SUPT3H: variants seen among roughly 807,000 people sequenced by gnomAD.
SUPT3H encodes the protein SPT3 homolog, SAGA and STAGA complex component, also known as transcription initiation protein SPT3 homolog.
A neutral mutation model predicts 44.3 loss-of-function variants in SUPT3H; 44 were observed. The ratio of observed to expected loss-of-function variants is 0.99; its 90% CI spans 0.78 to 1.28. The LOEUF is 1.28. Among genes scored for constraint, SUPT3H ranks in the 50% most tolerant of loss-of-function variants. The pLI is 0.00. For synonymous variants in SUPT3H, 124 were observed against 125.6 expected, an observed-to-expected ratio of 0.99 and a Z score of 0.09; for missense variants, 380 against 387.1, an observed-to-expected ratio of 0.98 and a Z score of 0.15.
chr6:44,816,014 G>C (rs1260899830), intron 11 of SUPT3H, among the ~76,000 whole-genome samples: 1 of 152,020 alleles, frequency 6.6e-6, no homozygotes, highest in African/African-American at 2.4e-5. Flanking sequence ...TAAAGGAACT[G>C]AAATCATACA....
intron 10 of SUPT3H, among the ~76,000 whole-genome samples, chr6:44,909,614 T>G (rs1234252518): frequency 6.6e-6 from 1 of 152,200 alleles, no homozygotes; most frequent in Non-Finnish European, 1.5e-5. Flanking sequence ...GACTGTTCAC[T>G]TTTATTATCT....
intron 10 of SUPT3H, among the ~76,000 whole-genome samples, chr6:44,899,514 C>T (rs771201705): frequency 3.3e-5 from 5 of 151,934 alleles, no homozygotes; most frequent in Admixed American, 1.3e-4. Flanking sequence ...GGTGAAACCC[C>T]GTTTCTAATA....
downstream of SUPT3H, among the ~76,000 whole-genome samples, chr6:44,826,633 T>G (rs1767776855): frequency 6.6e-6 from 1 of 152,140 alleles, no homozygotes; most frequent in South Asian, 2.1e-4. Context: ...ACACAAGAGG[T>G]TATATGAACT....
At chr6:44,924,661 T>C (rs560246660) in intron 10 of SUPT3H, among the ~76,000 whole-genome samples, 14 of 152,240 alleles carry the variant, frequency 9.2e-5, no homozygotes, top group African/African-American at 3.4e-4. Context: ...TTAAAAGTAA[T>C]TAAATTAAAT....
In SUPT3H at chr6:45,043,352, ATGTACAGGTT is replaced by A. The variant is rs1342901054; in HGVS notation, c.187-22730_187-22721del. Among the ~76,000 whole-genome samples the A allele has an allele frequency of 2.6e-5, 4 of 152,314 alleles. No homozygotes were observed. The East Asian group carries it at 7.7e-4, about 29-fold the overall frequency. On this transcript the variant is annotated intron_variant, in intron 3 of 10. Transcript: ENST00000371459. ...ACCTTTATTTTAGTGTCAGGGATAT[ATGTACAGGTT>A]TGTTACATGGGTGAGTTGTGTGTCA...
intron 2 of SUPT3H, among the ~76,000 whole-genome samples, chr6:45,171,420 A>G (rs1810749626): frequency 6.6e-6 from 1 of 152,230 alleles, no homozygotes. Context: ...ATTTGCTAGA[A>G]ATAAAGGCAA....
At chr6:45,131,369 C>T (rs866912592) in intron 2 of SUPT3H, among the ~76,000 whole-genome samples, 3 of 152,164 alleles carry the variant, frequency 2.0e-5, no homozygotes, top group Non-Finnish European at 4.4e-5. Flanking sequence ...TCTCAATTTA[C>T]ACATCTTATC....
At chr6:45,135,906 C>T (rs751354190) in intron 2 of SUPT3H, among the ~76,000 whole-genome samples, 40 of 152,164 alleles carry the variant, frequency 2.6e-4, no homozygotes, top group Non-Finnish European at 4.3e-4. Context: ...GGTGATTCAT[C>T]CATATGGGGA....
intron 10 of SUPT3H, among the ~76,000 whole-genome samples, chr6:44,899,643 T>C (rs1350224789): frequency 1.3e-5 from 2 of 152,244 alleles, no homozygotes; most frequent in South Asian, 2.1e-4. Flanking sequence ...GCTGAGACCA[T>C]GCCACTGCGC....
intron 3 of SUPT3H, among the ~76,000 whole-genome samples, chr6:45,058,476 G>A (rs1156376849): frequency 6.6e-6 from 1 of 152,084 alleles, no homozygotes; most frequent in Non-Finnish European, 1.5e-5. Context: ...TTAAAATAAT[G>A]GATGCAAAGT....
intron 10 of SUPT3H, among the ~76,000 whole-genome samples, chr6:44,868,327 T>G (rs1447286430): frequency 1.3e-5 from 2 of 152,204 alleles, no homozygotes; most frequent in African/African-American, 4.8e-5. Flanking sequence ...CAGGAAAACG[T>G]AAAGTAAAAT....
intron 2 of SUPT3H, among the ~76,000 whole-genome samples, chr6:45,227,036 T>C (rs1268787823): frequency 6.7e-6 from 1 of 149,464 alleles, no homozygotes; most frequent in Non-Finnish European, 1.5e-5. Flanking sequence ...AATATATATA[T>C]TTAGTAGAGA....
intron 10 of SUPT3H, among the ~76,000 whole-genome samples, chr6:44,835,354 A>T (rs1281103327): frequency 6.6e-6 from 1 of 152,156 alleles, no homozygotes; most frequent in African/African-American, 2.4e-5. Flanking sequence ...TAGAGTATAC[A>T]TGCTCTGTCT....
intron 2 of SUPT3H, among the ~76,000 whole-genome samples, chr6:45,277,214 A>G (rs1332703260): frequency 6.6e-6 from 1 of 152,208 alleles, no homozygotes; most frequent in Non-Finnish European, 1.5e-5. Flanking sequence ...CTAATACTTC[A>G]TAGAAATACT....
At chr6:44,985,348 G>A (rs1020729682) in intron 6 of SUPT3H, among the ~76,000 whole-genome samples, 6 of 151,892 alleles carry the variant, frequency 4.0e-5, no homozygotes, top group African/African-American at 1.5e-4. Flanking sequence ...GTGCTACGAT[G>A]GCACCACTGC....
chr6:45,002,716 A>C (rs1047961617), intron 6 of SUPT3H, among the ~76,000 whole-genome samples: 24 of 152,092 alleles, frequency 1.6e-4, no homozygotes, highest in African/African-American at 5.8e-4. Context: ...ACCTAAAAGA[A>C]CACTGCCTTT....
chr6:45,229,143 T>G (rs1212073957), intron 2 of SUPT3H, among the ~76,000 whole-genome samples: 2 of 152,180 alleles, frequency 1.3e-5, no homozygotes, highest in African/African-American at 2.4e-5. Flanking sequence ...AATCATGAGT[T>G]TGGTAAAAAC....
chr6:45,178,058 C>A (rs905765517), intron 2 of SUPT3H, among the ~76,000 whole-genome samples: 2 of 152,060 alleles, frequency 1.3e-5, no homozygotes, highest in African/African-American at 4.8e-5. Context: ...GGATCAAATT[C>A]ACACATAACA....
chr6:45,103,738 A>C (rs1798904989), intron 3 of SUPT3H, among the ~76,000 whole-genome samples: 1 of 152,176 alleles, frequency 6.6e-6, no homozygotes, highest in Admixed American at 6.5e-5. Context: ...CCACGAATTG[A>C]TACCTAGTGT....
Sources: gnomAD v4.1 joint callset for allele counts (sites outside exome capture counted in the v4.1 genomes callset) on GRCh38, gnomAD v4.1.1 for gene constraint, MANE v1.5 for transcripts, NCBI Gene and HGNC (gene_info 2026-07-23, HGNC 2026-07-21) for gene names.